ARHGAP10: variants seen among roughly 807,000 people sequenced by gnomAD.
ARHGAP10 encodes the protein rho GTPase-activating protein 10.
Under a neutral mutation model 108.6 loss-of-function variants are expected in ARHGAP10, and 87 were observed. The ratio of observed to expected loss-of-function variants is 0.80; its 90% CI spans 0.67 to 0.96. The LOEUF is 0.96. ARHGAP10 is among the 40% of genes least tolerant of loss of function. The pLI is 0.00. For synonymous variants in ARHGAP10, 347 were observed against 341.1 expected (o/e 1.02, Z -0.19); for missense variants, 939 against 954.5 (o/e 0.98, Z 0.21).
chr4:147,759,138 T>G (rs1342974686), intron 1 of ARHGAP10, among the ~76,000 whole-genome samples: 2 of 152,212 alleles, frequency 1.3e-5, no homozygotes, highest in Non-Finnish European at 2.9e-5. Context: ...TTTATTACTT[T>G]GCTGATAGTA....
chr4:147,893,202 G>A (rs1197661753), intron 10 of ARHGAP10, among the ~76,000 whole-genome samples: 1 of 151,814 alleles, frequency 6.6e-6, no homozygotes, highest in Non-Finnish European at 1.5e-5. Context: ...GGGATTACAG[G>A]TGTGAGCCAC....
chr4:148,000,953 G>T lies in ARHGAP10; in HGVS notation c.1717-22310G>T, dbSNP rs180945113. Among the ~76,000 whole-genome samples, 1,124 of 152,246 alleles carry T rather than the reference G, an allele frequency of 7.4e-3. 11 individuals are homozygous for T. Among genetic ancestry groups the T allele is most frequent in the African/African-American group, 0.026 (1,062 of 41,534 alleles). On this transcript the variant is annotated intron_variant, in intron 18 of 22. Transcript: ENST00000336498. ...TAATTAGATCCCATCTGTAAATTTTGGCTTTTGTTGCCATTGCTTTTGGTG... is the reference window on the plus strand; with the variant it reads ...TAATTAGATCCCATCTGTAAATTTTTGCTTTTGTTGCCATTGCTTTTGGTG...
intron 19 of ARHGAP10, among the ~76,000 whole-genome samples, chr4:148,027,386 C>T (rs182848602): frequency 9.9e-5 from 15 of 152,280 alleles, no homozygotes; most frequent in African/African-American, 3.1e-4. Flanking sequence ...ACTTGGGTAT[C>T]GTCGGGTTGG....
Position 148,072,203 on chromosome 4 carries a change from C to A in ARHGAP10, c.*122C>A. On this transcript the variant is annotated 3_prime_UTR_variant, in exon 23 of 23. Transcript: ENST00000336498. ...AGGTACCTCCACACTTGGGAGTTAC[C>A]ATCATCACAGTCAGCCCTGGGGGTG... The A allele has an allele frequency of 1.3e-4, 64 of 501,024 alleles. No individual in the cohort carries two copies. Among genetic ancestry groups the A allele is most frequent in the East Asian group, 2.5e-4 (5 of 20,054 alleles). 31.0% of individuals were successfully genotyped at this position (501,024 alleles called of 1,614,324 possible).
intron 5 of ARHGAP10, chr4:147,861,225 A>C (rs1428765559): frequency 6.6e-6 from 1 of 152,418 alleles, no homozygotes; most frequent in Non-Finnish European, 1.5e-5. Flanking sequence ...TGGGGCAGGC[A>C]GCTCCAGGCA....
intron 3 of ARHGAP10, among the ~76,000 whole-genome samples, chr4:147,824,812 T>C (rs1026812742): frequency 6.6e-6 from 1 of 152,200 alleles, no homozygotes; most frequent in Non-Finnish European, 1.5e-5. Flanking sequence ...GTTTACGCTT[T>C]CGTGTAAGAT....
At chr4:147,890,968 CAG>C (rs1172207510) in intron 10 of ARHGAP10, among the ~76,000 whole-genome samples, 7 of 152,104 alleles carry the variant, frequency 4.6e-5, no homozygotes, top group Non-Finnish European at 7.3e-5. Context: ...AATAAAAAGT[CAG>C]ATAATAACAA....
At chr4:147,889,343 A>C (rs1209487572) in intron 10 of ARHGAP10, among the ~76,000 whole-genome samples, 4 of 152,128 alleles carry the variant, frequency 2.6e-5, no homozygotes, top group Non-Finnish European at 5.9e-5. Context: ...CCTGTCACCC[A>C]GTGTGCAGTG....
chr4:147,783,216 TTATG>T (rs1292599645), intron 1 of ARHGAP10, among the ~76,000 whole-genome samples: 2 of 144,864 alleles, frequency 1.4e-5, no homozygotes, highest in African/African-American at 5.0e-5. Flanking sequence ...ACACATTAAA[TTATG>T]TATTGTATAA....
At chr4:147,912,928 G>A (rs879777838) in intron 12 of ARHGAP10, 146 bp from the exon 13 acceptor site, 46 of 720,406 alleles carry the variant, frequency 6.4e-5, no homozygotes, top group Non-Finnish European at 9.7e-5. Flanking sequence ...GATTACAGGT[G>A]TGAGCCAATG....
intron 18 of ARHGAP10, among the ~76,000 whole-genome samples, chr4:147,974,675 A>G (rs1739527719): frequency 6.6e-6 from 1 of 152,096 alleles, no homozygotes; most frequent in African/African-American, 2.4e-5. Context: ...TTTCCTGATG[A>G]TCAGGAGGTT....
chr4:147,763,989 G>C (rs780775999), intron 1 of ARHGAP10, among the ~76,000 whole-genome samples: 2 of 151,984 alleles, frequency 1.3e-5, no homozygotes, highest in Non-Finnish European at 2.9e-5. Context: ...TCCTGACCTC[G>C]GGTGATCTGC....
chr4:148,027,352 T>G (rs1163439975), intron 19 of ARHGAP10, among the ~76,000 whole-genome samples: 1 of 152,222 alleles, frequency 6.6e-6, no homozygotes, highest in East Asian at 1.9e-4. Context: ...TGGCAAGATT[T>G]AATAACATTT....
At chr4:147,957,275 G>C (rs1738820868) in intron 16 of ARHGAP10, among the ~76,000 whole-genome samples, 1 of 152,086 alleles carries the variant, frequency 6.6e-6, no homozygotes. Context: ...GTATTTTAGG[G>C]GCCAAGGTTT....
intron 14 of ARHGAP10, among the ~76,000 whole-genome samples, chr4:147,943,891 A>C (rs976737727): frequency 7.9e-5 from 12 of 152,234 alleles, no homozygotes; most frequent in African/African-American, 2.9e-4. Flanking sequence ...GACACTGTGT[A>C]GTCATTTGCT....
In ARHGAP10 at chr4:148,060,027, C is replaced by A. The variant is rs200528538; in HGVS notation, c.2028-3121C>A. Among the ~76,000 whole-genome samples, 774 of 150,710 alleles carry A rather than the reference C, an allele frequency of 5.1e-3. 8 individuals carry two copies. Among genetic ancestry groups the A allele is most frequent in the African/African-American group, 0.018 (725 of 41,050 alleles). On this transcript the variant is annotated intron_variant, in intron 20 of 22. Transcript: ENST00000336498. ...AGAGGAGAGAGAGAGGGGAGAGAGA[C>A]GAGAGAGAGACGAGAGACAGATATG...
chr4:147,751,710 CCA>C (rs1729159512), intron 1 of ARHGAP10, among the ~76,000 whole-genome samples: 1 of 150,442 alleles, frequency 6.6e-6, no homozygotes, highest in South Asian at 2.1e-4. Context: ...GAGACTGTGC[CCA>C]GTGTTTTCAC....
At chr4:147,784,029 C>G (rs1730692969) in intron 1 of ARHGAP10, among the ~76,000 whole-genome samples, 1 of 135,804 alleles carries the variant, frequency 7.4e-6, no homozygotes, top group South Asian at 2.9e-4. Context: ...TTATATAACA[C>G]ACATTAAATT....
chr4:147,972,974 C>T (rs371149907), intron 18 of ARHGAP10, among the ~76,000 whole-genome samples: 1 of 151,904 alleles, frequency 6.6e-6, no homozygotes, highest in Non-Finnish European at 1.5e-5. Context: ...AGGCTGGTTT[C>T]GAACTCCTGA....
Sources: gnomAD v4.1 joint callset for allele counts (sites outside exome capture counted in the v4.1 genomes callset) on GRCh38, gnomAD v4.1.1 for gene constraint, MANE v1.5 for transcripts, NCBI Gene and HGNC (gene_info 2026-07-23, HGNC 2026-07-21) for gene names.